Variants in RAD54L observed in about 807,000 individuals in gnomAD.
RAD54L encodes RAD54 like.
Under a neutral mutation model 91.6 loss-of-function variants are expected in RAD54L, and 74 were observed. The observed-to-expected ratio is 0.81, with a 90% CI of 0.67 to 0.98. The LOEUF is 0.98. Ranked by LOEUF, RAD54L falls within the 50% of genes least tolerant of loss-of-function variation. RAD54L has a pLI of 0.00. For missense variants in RAD54L, 887 were observed against 945.7 expected, an observed-to-expected ratio of 0.94 and a Z score of 0.81; for synonymous variants, 304 against 349.7, an observed-to-expected ratio of 0.87 and a Z score of 1.46.
chr1:46,268,789 A>G (rs1427869966), intron 9 of RAD54L, among the ~76,000 whole-genome samples: 3 of 152,198 alleles, frequency 2.0e-5, no homozygotes, highest in Non-Finnish European at 4.4e-5. Context: ...TTGTTTGTTG[A>G]GACAGAGTCT....
At chr1:46,261,778 G>A (rs1157906752) in intron 8 of RAD54L, among the ~76,000 whole-genome samples, 1 of 152,156 alleles carries the variant, frequency 6.6e-6, no homozygotes, top group Non-Finnish European at 1.5e-5. Context: ...AGAGACACAA[G>A]CCAAAGTAGG....
chr1:46,250,264 G>C, intron 3 of RAD54L, 145 bp downstream of exon 3: 1 of 1,118,310 alleles, frequency 8.9e-7, no homozygotes, highest in Non-Finnish European at 1.3e-6. Context: ...GCCCACAGCT[G>C]CTGGGGCCTG....
At position 46,250,013 on chromosome 1, in the gene RAD54L, G is replaced by A. The variant is rs1320236099; in HGVS notation, c.104G>A (p.Arg35Gln). 3.1e-6 allele frequency: 5 copies of A among 1,613,908 alleles called. No individual in the cohort carries two copies. In the Admixed American group the frequency reaches 5.0e-5, roughly 16 times the overall value. ...WQPGLVTPRK[R>Q]KSSSETQIQE... ...TCTCTCTCCTAGACTCCTAGGAAACGGAAATCCAGCAGTGAGACCCAGATC... is the reference window on the plus strand; with the variant it reads ...TCTCTCTCCTAGACTCCTAGGAAACAGAAATCCAGCAGTGAGACCCAGATC... Residue 35 changes from arginine to glutamine, a missense_variant, in exon 3 of 18, where the codon CGG becomes CAG. Arg to Gln is a conservative substitution (Grantham distance 43, BLOSUM62 1). Transcript: ENST00000371975.
At chr1:46,256,265 G>T (rs188930621) in intron 3 of RAD54L, among the ~76,000 whole-genome samples, 102 of 152,032 alleles carry the variant, frequency 6.7e-4, no homozygotes, top group African/African-American at 2.4e-3. Flanking sequence ...CGGGGTGTGT[G>T]GGGGGGTCTC....
chr1:46,272,025 CTTTTTTTTTTTTTTTTTTTTT>C (rs1162693010), intron 10 of RAD54L, among the ~76,000 whole-genome samples: 2 of 41,170 alleles, frequency 4.9e-5, no homozygotes, highest in Middle Eastern at 0.019. Context: ...GGTCTGATGA[CTTTTTTTTTTTTTTTTTTTTT>C]TTTTTTTTTT....
At chr1:46,259,637 G>A (rs1451716052) in intron 4 of RAD54L, among the ~76,000 whole-genome samples, 1 of 152,082 alleles carries the variant, frequency 6.6e-6, no homozygotes, top group Non-Finnish European at 1.5e-5. Context: ...TTAGCTGGGT[G>A]TGGTGGTGGG....
Position 46,278,471 on chromosome 1 carries a change from G to T in RAD54L, c.*189G>T, listed in dbSNP as rs1660691657. On this transcript the variant is annotated 3_prime_UTR_variant, in exon 18 of 18. Coordinates refer to ENST00000371975, the MANE Select transcript of RAD54L (RefSeq NM_003579.4). The stretch of plus-strand genomic sequence containing the variant: ...AAAAAAAGAATAAAGGTATGAAAGG[G>T]TTTGAGGCCTGAGAGCAGTGTGGTA... 1.4e-6 allele frequency: 1 copy of T among 735,546 alleles called. No homozygotes were observed. The highest frequency in any genetic ancestry group is 2.5e-5 in the Admixed American group (1 of 40,172). The allele number at this position is 735,546 out of a possible 1,614,324, so 45.6% of individuals were successfully genotyped here. A position where few individuals can be genotyped will look rare whatever the true frequency, so the allele number is the denominator to read the frequency against.
intron 3 of RAD54L, among the ~76,000 whole-genome samples, chr1:46,256,284 G>C (rs1357308049): frequency 1.3e-5 from 2 of 152,076 alleles, no homozygotes; most frequent in Non-Finnish European, 2.9e-5. Context: ...TCACTACGTT[G>C]CCTAGGGTGG....
At chr1:46,249,902 A>G in intron 2 of RAD54L, 98 bp from the exon 3 acceptor site, 1 of 1,345,984 alleles carries the variant, frequency 7.4e-7, no homozygotes, top group Non-Finnish European at 1.1e-6. Flanking sequence ...AGAATTTAGC[A>G]CAGTGCCTGG....
chr1:46,261,179 A>G, intron 7 of RAD54L, 82 bp from the exon 8 acceptor site: 2 of 1,588,578 alleles, frequency 1.3e-6, no homozygotes, highest in Non-Finnish European at 1.7e-6. Flanking sequence ...AGGCTAAATT[A>G]AAGAACTGTC....
At chr1:46,260,217 G>C (rs1660070798) in intron 5 of RAD54L, 118 bp downstream of exon 5, 1 of 1,484,874 alleles carries the variant, frequency 6.7e-7, no homozygotes, top group East Asian at 2.3e-5. Flanking sequence ...TTTTCAGAGA[G>C]TAGATGATTG....
intron 8 of RAD54L, among the ~76,000 whole-genome samples, chr1:46,266,378 G>A (rs1660266907): frequency 6.6e-6 from 1 of 152,260 alleles, no homozygotes; most frequent in Non-Finnish European, 1.5e-5. Flanking sequence ...AAGGGAGCAA[G>A]ACTGATTGCT....
chr1:46,273,674 A>G lies in RAD54L; in HGVS notation c.1537A>G (p.Ser513Gly). The change falls in exon 14 of 18, where the codon AGT becomes GGT. Residue 513 changes from serine (S) to glycine (G), a missense_variant. Ser to Gly is a moderately conservative substitution (Grantham distance 56). Coordinates refer to ENST00000371975, the MANE Select transcript of RAD54L (RefSeq NM_003579.4). ...TCTGGCGGTGACCCGAAGCCGTAGC[A>G]GTGACAAAGTAGTGCTGGTGTCGAA... Reference protein sequence around the residue: ...YILAVTRSRSSDKVVLVSNYT... With the variant: ...YILAVTRSRSGDKVVLVSNYT... The G allele has an allele frequency of 1.2e-6, 2 of 1,614,072 alleles. No individual in the cohort carries two copies. Among genetic ancestry groups the G allele is most frequent in the Non-Finnish European group, 1.7e-6 (2 of 1,180,020 alleles).
At position 46,258,711 on chromosome 1, in the gene RAD54L, C is replaced by A; in HGVS notation, c.236C>A (p.Ser79Ter). The A allele has an allele frequency of 6.2e-7, 1 of 1,608,430 alleles. No individual in the cohort carries two copies. Among genetic ancestry groups the A allele is most frequent in the South Asian group, 1.1e-5 (1 of 90,944 alleles). The change falls in exon 4 of 18, where the codon TCA becomes TAA. Residue 79 changes from serine to a stop codon, truncating the protein, a stop_gained. Coordinates refer to ENST00000371975, the MANE Select transcript of RAD54L (RefSeq NM_003579.4). LOFTEE classifies it high-confidence loss of function. ...GAAGCATTTATTCGAAGCATTTTGT[C>A]AAAGCCTTTCAAAGTCCCCATTCCA... is the stretch of plus-strand genomic sequence containing the variant. ...QHEAFIRSIL[S>*]KPFKVPIPNY...
At chr1:46,276,276 A>G (rs1660599232) in intron 16 of RAD54L, among the ~76,000 whole-genome samples, 1 of 152,074 alleles carries the variant, frequency 6.6e-6, no homozygotes, top group South Asian at 2.1e-4. Context: ...CTCCCACCTC[A>G]ACCCCCTGAA....
In RAD54L at chr1:46,263,332, C is replaced by G. The variant is rs372093582; in HGVS notation, c.891+1947C>G. ...AGGACTTCCCAGTGGGCTTGGCGACCCTGAGGCTATAGTCATTGTTTGCAA... is the reference window on the plus strand; with the variant it reads ...AGGACTTCCCAGTGGGCTTGGCGACGCTGAGGCTATAGTCATTGTTTGCAA... On this transcript the variant is annotated intron_variant, in intron 8 of 17. Coordinates refer to ENST00000371975, the MANE Select transcript of RAD54L (RefSeq NM_003579.4). The surrounding 1 kb of genome is among the most constrained non-coding windows in gnomAD (Gnocchi z 4.3). 5.3e-5 allele frequency among the ~76,000 whole-genome samples: 8 copies of G among 152,050 alleles called. No homozygotes were observed. The highest frequency in any genetic ancestry group is 1.9e-4 in the African/African-American group (8 of 41,380).
rs1660675334 is a variant in RAD54L at position 46,278,113 on chromosome 1, C to T, written c.2075C>T (p.Pro692Leu). 2 of 1,613,910 alleles carry T rather than the reference C, an allele frequency of 1.2e-6. No individual in the cohort carries two copies. The highest frequency in any genetic ancestry group is 1.3e-5 in the African/African-American group (1 of 74,938). ...RRCVNSRQIRPPPDGSDCTSD... is the reference protein window; with the variant it reads ...RRCVNSRQIRLPPDGSDCTSD... The stretch of plus-strand genomic sequence containing the variant: ...TGTGTCAACAGCCGTCAGATCCGGC[C>T]ACCCCCTGATGGTTCTGACTGCACT... The change falls in exon 18 of 18, where the codon CCA (proline) becomes CTA (leucine). Residue 692 changes from proline (P) to leucine (L), a missense_variant. Coordinates refer to ENST00000371975, the MANE Select transcript of RAD54L (RefSeq NM_003579.4).
intron 3 of RAD54L, among the ~76,000 whole-genome samples, chr1:46,255,068 A>G (rs1395466828): frequency 6.6e-6 from 1 of 152,198 alleles, no homozygotes; most frequent in African/African-American, 2.4e-5. Flanking sequence ...AATTAGGGTC[A>G]TGTAGGCCAT....
At chr1:46,277,214 G>A (rs1660634216) in intron 16 of RAD54L, among the ~76,000 whole-genome samples, 1 of 152,130 alleles carries the variant, frequency 6.6e-6, no homozygotes, top group Non-Finnish European at 1.5e-5. Flanking sequence ...GTATTCCTTT[G>A]TTCCTATGCT....
Sources: allele counts gnomAD v4.1 joint callset (sites outside exome capture counted in the v4.1 genomes callset), GRCh38; gene constraint gnomAD v4.1.1; non-coding constraint Gnocchi (gnomAD v3.1); transcripts MANE v1.5; gene names NCBI Gene and HGNC (gene_info 2026-07-23, HGNC 2026-07-21).